CUL2: variants seen among roughly 807,000 people sequenced by gnomAD.
CUL2 encodes cullin 2, also known as cullin-2.
Under a neutral mutation model 110.2 loss-of-function variants are expected in CUL2, and 22 were observed. The ratio of observed to expected loss-of-function variants is 0.20; its 90% CI spans 0.14 to 0.28. The LOEUF (loss-of-function observed/expected upper bound fraction) is 0.28. Among genes scored for constraint, CUL2 ranks in the 10% least tolerant of loss-of-function variants. CUL2 has a pLI of 1.00. For missense variants in CUL2, 631 were observed against 905.5 expected, an observed-to-expected ratio of 0.70 and a Z score of 3.89; for synonymous variants, 279 against 293.2, an observed-to-expected ratio of 0.95 and a Z score of 0.49.
At chr10:35,049,373 T>C (rs1361483929) in intron 6 of CUL2, among the ~76,000 whole-genome samples, 2 of 152,158 alleles carry the variant, frequency 1.3e-5, no homozygotes, top group East Asian at 3.9e-4. Context: ...GGGCACTGCC[T>C]AGAAAGTCTA....
chr10:35,100,538 G>C (rs2087362066), intron 2 of CUL2, among the ~76,000 whole-genome samples: 2 of 152,084 alleles, frequency 1.3e-5, no homozygotes, highest in South Asian at 4.1e-4. Context: ...GAGGCAGGCG[G>C]ATCACTTGAG....
At position 35,013,731 on chromosome 10, in the gene CUL2, T is replaced by C; in HGVS notation, c.1957A>G (p.Ile653Val). 3 of 1,570,628 alleles carry C rather than the reference T, an allele frequency of 1.9e-6. No homozygotes were observed. Among genetic ancestry groups the C allele is most frequent in the Non-Finnish European group, 2.6e-6 (3 of 1,155,226 alleles). Residue 653 changes from isoleucine (I) to valine (V), a missense_variant, in exon 19 of 21, where the codon ATT becomes GTT. Ile to Val is a conservative substitution (Grantham distance 29). Transcript: ENST00000374749. The stretch of plus-strand genomic sequence containing the variant: ...GTGTCTTTCTGCATTGATGTAGTAA[T>C]TTTAAATTTTGTTCTTTTACTGCTA... ...NFSSKRTKFKITTSMQKDTPQ... is the reference protein window; with the variant it reads ...NFSSKRTKFKVTTSMQKDTPQ...
intron 2 of CUL2, among the ~76,000 whole-genome samples, chr10:35,066,225 T>C (rs993888027): frequency 1.3e-5 from 2 of 151,120 alleles, no homozygotes; most frequent in Non-Finnish European, 2.9e-5. Flanking sequence ...CCTAAAAAAA[T>C]GAAAATGTAA....
intron 1 of CUL2, chr10:35,079,694 A>G (rs2086901484): frequency 6.5e-6 from 1 of 154,828 alleles, no homozygotes; most frequent in Non-Finnish European, 1.5e-5. Flanking sequence ...AGTAGGTCTT[A>G]GCAATCTCAG....
chr10:35,096,507 G>A (rs1013604305), intron 2 of CUL2, among the ~76,000 whole-genome samples: 1 of 152,084 alleles, frequency 6.6e-6, no homozygotes, highest in Non-Finnish European at 1.5e-5. Flanking sequence ...CAGCTACTCT[G>A]GAGGCTGAAA....
intron 4 of CUL2, among the ~76,000 whole-genome samples, chr10:35,058,101 T>C (rs767171368): frequency 1.3e-5 from 2 of 151,928 alleles, no homozygotes; most frequent in African/African-American, 4.8e-5. Flanking sequence ...GTCCCAAAAA[T>C]TAGTAATAAA....
intron 1 of CUL2, among the ~76,000 whole-genome samples, chr10:35,125,457 G>T (rs536402256): frequency 6.6e-6 from 1 of 152,222 alleles, no homozygotes; most frequent in South Asian, 2.1e-4. Flanking sequence ...AGAGACAATT[G>T]TTGTGGATAC....
intron 2 of CUL2, among the ~76,000 whole-genome samples, chr10:35,097,699 G>A (rs1488125557): frequency 1.3e-5 from 2 of 152,018 alleles, no homozygotes; most frequent in South Asian, 2.1e-4. Flanking sequence ...AGTGGCTCAC[G>A]CCTGCAATTG....
At chr10:35,080,175 G>A (rs1227071551) in intron 1 of CUL2, among the ~76,000 whole-genome samples, 2 of 152,068 alleles carry the variant, frequency 1.3e-5, no homozygotes, top group Non-Finnish European at 2.9e-5. Flanking sequence ...TCCATAGGTG[G>A]GCCCAAAGCT....
At chr10:35,114,594 GC>G (rs1343677934) in intron 1 of CUL2, among the ~76,000 whole-genome samples, 1 of 150,964 alleles carries the variant, frequency 6.6e-6, no homozygotes, top group Non-Finnish European at 1.5e-5. Flanking sequence ...TGTTGGCCAG[GC>G]TGGTCTCGAA....
intron 2 of CUL2, among the ~76,000 whole-genome samples, chr10:35,069,061 G>A (rs1240914372): frequency 2.0e-5 from 3 of 152,040 alleles, no homozygotes; most frequent in African/African-American, 7.2e-5. Flanking sequence ...TAGAGACGAG[G>A]TTTCGCCATG....
intron 1 of CUL2, among the ~76,000 whole-genome samples, chr10:35,103,680 G>A (rs913640665): frequency 2.0e-5 from 3 of 151,882 alleles, no homozygotes; most frequent in South Asian, 2.1e-4. Context: ...GGCTGGTCTC[G>A]AACACCTGAC....
intron 1 of CUL2, among the ~76,000 whole-genome samples, chr10:35,089,025 A>C (rs1003092045): frequency 6.6e-6 from 1 of 152,168 alleles, no homozygotes; most frequent in African/African-American, 2.4e-5. Flanking sequence ...AAAATACAAA[A>C]TTAGCCGGGC....
intron 1 of CUL2, among the ~76,000 whole-genome samples, chr10:35,083,979 T>C (rs2087001063): frequency 6.6e-6 from 1 of 152,166 alleles, no homozygotes; most frequent in African/African-American, 2.4e-5. Flanking sequence ...TTTATAATGT[T>C]AAACTATATA....
upstream of CUL2, among the ~76,000 whole-genome samples, chr10:35,095,026 G>A (rs1042321401): frequency 6.6e-6 from 1 of 152,032 alleles, no homozygotes; most frequent in Admixed American, 6.6e-5. Flanking sequence ...GACTTCAAAA[G>A]TAATGTTGGC....
At chr10:35,066,654 T>C (rs2086535719) in intron 2 of CUL2, among the ~76,000 whole-genome samples, 1 of 152,270 alleles carries the variant, frequency 6.6e-6, no homozygotes, top group Non-Finnish European at 1.5e-5. Context: ...TACGAAATCA[T>C]GCATTAGCAA....
chr10:35,035,469 T>C (rs1167309275), intron 9 of CUL2, among the ~76,000 whole-genome samples, 173 bp from the exon 10 acceptor site: 1 of 152,122 alleles, frequency 6.6e-6, no homozygotes, highest in Non-Finnish European at 1.5e-5. Flanking sequence ...AGGAAAGGGA[T>C]GTGGTTATTT....
At chr10:35,126,533 AGC>A (rs1042345552) in intron 1 of CUL2, 48 of 152,650 alleles carry the variant, frequency 3.1e-4, no homozygotes, top group African/African-American at 1.1e-3. Flanking sequence ...ACGCCACTGC[AGC>A]CCAGCCTGGA....
At chr10:35,030,552 T>A (rs1306000092) in intron 14 of CUL2, among the ~76,000 whole-genome samples, 1 of 151,988 alleles carries the variant, frequency 6.6e-6, no homozygotes, top group East Asian at 1.9e-4. Flanking sequence ...CCAGCTAACT[T>A]TTGTATTTTT....
Sources: gnomAD v4.1 joint callset for allele counts (sites outside exome capture counted in the v4.1 genomes callset) on GRCh38, gnomAD v4.1.1 for gene constraint, MANE v1.5 for transcripts, NCBI Gene and HGNC (gene_info 2026-07-23, HGNC 2026-07-21) for gene names.